Variants in NXF1 observed in about 807,000 individuals in gnomAD.
NXF1 encodes the protein mRNA export factor TAP.
In NXF1, 43 loss-of-function variants were observed where a neutral mutation model predicts 92.4. The ratio of observed to expected loss-of-function variants is 0.47; its 90% CI spans 0.36 to 0.60. The LOEUF is 0.60. NXF1 is among the 20% of genes least tolerant of loss of function. The probability of loss-of-function intolerance (pLI) is 0.00; values close to 1 mark genes in which losing one functional copy is unlikely to be tolerated. For synonymous variants in NXF1, 288 were observed against 292.2 expected (o/e 0.99, Z 0.15); for missense variants, 576 against 793.0 (o/e 0.73, Z 3.29).
chr11:62,798,967 C>T, intron 10 of NXF1: 1 of 1,033,708 alleles, frequency 9.7e-7, no homozygotes, highest in Non-Finnish European at 1.2e-6. Context: ...ATCAGTTCTG[C>T]CAGGTCTGGC....
Position 62,795,014 on chromosome 11 carries a change from T to A in NXF1, c.1505-7A>T. 1 of 1,613,894 alleles carries A rather than the reference T, an allele frequency of 6.2e-7. No homozygotes were observed. Among genetic ancestry groups the A allele is most frequent in the East Asian group, 2.2e-5 (1 of 44,878 alleles). The stretch of plus-strand genomic sequence containing the variant: ...TCCCGGGACTTTCCGTCCACTGCAA[T>A]AAGAACAGCAACAACACCTTAGGGT... On this transcript the variant is annotated splice_region_variant and splice_polypyrimidine_tract_variant and intron_variant, in intron 17 of 20. Coordinates refer to ENST00000294172, the MANE Select transcript of NXF1 (RefSeq NM_006362.5).
chr11:62,801,032 G>T, intron 9 of NXF1, 62 bp downstream of exon 9: 1 of 1,268,946 alleles, frequency 7.9e-7, no homozygotes, highest in Non-Finnish European at 1.1e-6. Context: ...GCCATCACTG[G>T]ACAAACTCTC....
chr11:62,800,983 A>G, intron 9 of NXF1, 111 bp downstream of exon 9: 1 of 806,114 alleles, frequency 1.2e-6, no homozygotes, highest in Non-Finnish European at 2.1e-6. Context: ...TAGAGTTGCA[A>G]ACCAGCACAT....
At chr11:62,800,217 CACAG>C (rs2084463621) in intron 10 of NXF1, 156 bp downstream of exon 10, 6 of 1,445,972 alleles carry the variant, frequency 4.1e-6, no homozygotes, top group Admixed American at 2.6e-5. Flanking sequence ...AGCTGGAAGA[CACAG>C]ACAGACCAAA....
chr11:62,798,594 A>G lies in NXF1; in HGVS notation c.1017-19T>C, dbSNP rs979813289. On this transcript the variant is annotated intron_variant, in intron 10 of 20. Transcript: ENST00000294172. ...AATGGCGCTGTCAAGAACGGGACAGAAGTGAGTGATGCTTCAGAGCCACCG... is the reference window on the plus strand; with the variant it reads ...AATGGCGCTGTCAAGAACGGGACAGGAGTGAGTGATGCTTCAGAGCCACCG... 5.6e-6 allele frequency: 9 copies of G among 1,613,866 alleles called. No individual in the cohort carries two copies. Among genetic ancestry groups the G allele is most frequent in the Non-Finnish European group, 4.2e-6 (5 of 1,179,906 alleles).
At position 62,797,077 on chromosome 11, in the gene NXF1, AAAAAAACAAAAC is replaced by A. The variant is rs1253497804; in HGVS notation, c.1178+94_1178+105del. 5.5e-5 allele frequency: 59 copies of A among 1,078,908 alleles called. No individual in the cohort carries two copies. In the African/African-American group the frequency reaches 6.0e-4, roughly 11 times the overall value. The allele number at this position is 1,078,908 out of a possible 1,614,324, so 66.8% of individuals were successfully genotyped here. On this transcript the variant is annotated intron_variant, in intron 13 of 20. Transcript: ENST00000294172. ...AGTGAGACACTGTCCAAAAAAAAAA[AAAAAAACAAAAC>A]AAAAAACAAAACAAAAAGATTGATG... is the stretch of plus-strand genomic sequence containing the variant.
chr11:62,803,517 G>C lies in NXF1; in HGVS notation c.271C>G (p.Arg91Gly), dbSNP rs145757652. 1.2e-6 allele frequency: 2 copies of C among 1,613,988 alleles called. No individual in the cohort carries two copies. Among genetic ancestry groups the C allele is most frequent in the South Asian group, 1.1e-5 (1 of 91,072 alleles). Residue 91 changes from arginine to glycine, a missense_variant, in exon 3 of 21, where the codon CGC becomes GGC. Physicochemically the swap from Arg to Gly is moderately radical, Grantham distance 125. Around this residue, in one of 2 missense-constraint regions of NXF1, gnomAD observed 151 missense variants for 157.8 expected, o/e 0.96. Transcript: ENST00000294172. ...RRGDTWHDRD[R>G]IHVTVRRDRA... ...TCTCTCCGCACAGTAACATGAATGC[G>C]ATCTCGATCATGCCAAGTATCACCC...
rs1199445780 is a variant in NXF1, at chr11:62,801,126, T to G, written c.874A>C (p.Asn292His). 6.2e-7 allele frequency: 1 copy of G among 1,614,188 alleles called. No individual in the cohort carries two copies. The highest frequency in any genetic ancestry group is 1.1e-5 in the South Asian group (1 of 91,084). Residue 292 changes from asparagine to histidine, a missense_variant, in exon 9 of 21, where the codon AAC becomes CAC. This residue lies in a region of NXF1 where 425 missense variants were observed against 635.2 expected (regional missense o/e 0.67). Transcript: ENST00000294172. ...DMSSIVQKAPNLKILNLSGNE... is the reference protein window; with the variant it reads ...DMSSIVQKAPHLKILNLSGNE... ...CCAGAAAGGTTTAGGATCTTCAGGT[T>G]GGGTGCCTTCTGAACAATGCTAGAC...
chr11:62,802,515 C>T (rs2084490251), intron 3 of NXF1, among the ~76,000 whole-genome samples: 1 of 152,184 alleles, frequency 6.6e-6, no homozygotes, highest in African/African-American at 2.4e-5. Flanking sequence ...TAGCTCACTG[C>T]AGCCTTCATT....
chr11:62,801,224 AGGAG>A (rs778780752), intron 8 of NXF1, 23 bp from the exon 9 acceptor site: 9 of 1,610,326 alleles, frequency 5.6e-6, no homozygotes, highest in Middle Eastern at 1.6e-4. Flanking sequence ...AAGAGTTTAG[AGGAG>A]GCACCACCAG....
intron 1 of NXF1, 117 bp downstream of exon 1, chr11:62,805,212 C>T: frequency 1.0e-6 from 1 of 989,944 alleles, no homozygotes; most frequent in Non-Finnish European, 1.3e-6. Context: ...CCCCGCGCGC[C>T]GCTCCCCGCG....
chr11:62,795,977 C>A lies in NXF1; in HGVS notation c.1462-34G>T, dbSNP rs373307473. 2.5e-6 allele frequency: 4 copies of A among 1,613,674 alleles called. No individual in the cohort carries two copies. In the African/African-American group the frequency reaches 4.0e-5, roughly 16 times the overall value. ...GAAGCAGCATCAGGTACAATGTACA[C>A]TTCTCAGAGCCTGAGTGCCCCCCCT... On this transcript the variant is annotated intron_variant, in intron 16 of 20. Transcript: ENST00000294172.
intron 18 of NXF1, 185 bp from the exon 19 acceptor site, chr11:62,794,625 G>C (rs1476046544): frequency 6.5e-6 from 4 of 611,166 alleles, no homozygotes; most frequent in African/African-American, 1.8e-5. Context: ...AAACACACTA[G>C]GGTTCTCCCA....
chr11:62,796,257 T>G (rs2084419276), intron 15 of NXF1, 30 bp downstream of exon 15: 1 of 1,613,666 alleles, frequency 6.2e-7, no homozygotes. Flanking sequence ...CATGCCCTTT[T>G]CCCATATTTT....
rs1187492479 is a variant in NXF1, at chr11:62,796,353, A to C, written c.1287-8T>G. ...TACTCGGCTAAGCTGCTTCTGGGGG[A>C]ATAAAAGGAATGGACGTGGTGTTCA... On this transcript the variant is annotated splice_polypyrimidine_tract_variant and splice_region_variant and intron_variant, in intron 14 of 20. Transcript: ENST00000294172. The C allele has an allele frequency of 6.2e-7, 1 of 1,613,924 alleles. No homozygotes were observed. Among genetic ancestry groups the C allele is most frequent in the African/African-American group, 1.3e-5 (1 of 74,932 alleles).
At chr11:62,794,173 A>G in intron 19 of NXF1, 85 bp downstream of exon 19, 1 of 1,381,780 alleles carries the variant, frequency 7.2e-7, no homozygotes, top group African/African-American at 1.5e-5. Flanking sequence ...TCCAAAAAAA[A>G]AACAAAAAAA....
intron 11 of NXF1, among the ~76,000 whole-genome samples, chr11:62,798,126 C>CAAA (rs34495263): frequency 1.0e-5 from 1 of 98,628 alleles, no homozygotes. Flanking sequence ...AGACTCCATC[C>CAAA]AAAAAAAAAA....
intron 10 of NXF1, 148 bp downstream of exon 10, chr11:62,800,229 A>G: frequency 4.1e-6 from 6 of 1,464,402 alleles, no homozygotes; most frequent in Non-Finnish European, 5.4e-6. Context: ...CAGACAGACC[A>G]AAGTGGGGAG....
At chr11:62,799,464 T>TGA in intron 10 of NXF1, 2 of 985,560 alleles carry the variant, frequency 2.0e-6, no homozygotes, top group Non-Finnish European at 2.4e-6. Context: ...ATTGTGGGGG[T>TGA]GAGGGTCCAT....
Sources: allele counts gnomAD v4.1 joint callset (sites outside exome capture counted in the v4.1 genomes callset), GRCh38; gene constraint gnomAD v4.1.1; regional missense constraint gnomAD v4.1.1; transcripts MANE v1.5; gene names NCBI Gene and HGNC (gene_info 2026-07-23, HGNC 2026-07-21).